Variants in SLC27A6 observed in about 807,000 individuals in gnomAD.
SLC27A6 encodes solute carrier family 27 member 6, also known as long-chain fatty acid transport protein 6.
A neutral mutation model predicts 63.9 loss-of-function variants in SLC27A6; 74 were observed. The observed-to-expected ratio is 1.16, with a 90% CI of 0.96 to 1.40. The LOEUF is 1.40. Among genes scored for constraint, SLC27A6 ranks in the 40% most tolerant of loss-of-function variants. The probability of loss-of-function intolerance (pLI) is 0.00; values close to 1 mark genes in which losing one functional copy is unlikely to be tolerated. For missense variants in SLC27A6, 794 were observed against 732.9 expected (o/e 1.08, Z -0.96); for synonymous variants, 287 against 260.8 (o/e 1.10, Z -0.97).
chr5:129,028,279 C>G, intron 7 of SLC27A6, 66 bp from the exon 8 acceptor site: 1 of 1,064,462 alleles, frequency 9.4e-7, no homozygotes, highest in East Asian at 2.4e-5. Context: ...GACATTAAAA[C>G]TAAAACTGGG....
chr5:128,965,922 C>A lies in SLC27A6; in HGVS notation c.-216C>A, dbSNP rs1749867287. The A allele has an allele frequency of 6.4e-6, 3 of 468,180 alleles. No homozygotes were observed. The highest frequency in any genetic ancestry group is 2.0e-5 in the African/African-American group (1 of 50,872). 29.0% of individuals were successfully genotyped at this position (468,180 alleles called of 1,614,324 possible). On this transcript the variant is annotated 5_prime_UTR_variant, in exon 1 of 10. Coordinates refer to ENST00000262462, the MANE Select transcript of SLC27A6 (RefSeq NM_001017372.3). ...AGCCGCCCAGTGACCCAAGCTTAAT[C>A]TTCAGCACCACTTGGGGCGACCTTT...
intron 4 of SLC27A6, among the ~76,000 whole-genome samples, chr5:129,010,408 A>T (rs1440478000): frequency 6.6e-6 from 1 of 152,194 alleles, no homozygotes; most frequent in Admixed American, 6.5e-5. Context: ...GATTTTGCAG[A>T]TGTGATTACA....
Position 128,985,342 on chromosome 5 carries a change from A to G in SLC27A6, c.685+6A>G. 3 of 1,611,652 alleles carry G rather than the reference A, an allele frequency of 1.9e-6. No homozygotes were observed. The highest frequency in any genetic ancestry group is 2.5e-6 in the Non-Finnish European group (3 of 1,178,012). On this transcript the variant is annotated splice_donor_region_variant and intron_variant, in intron 2 of 9. Transcript: ENST00000262462. ...TTTTACCTCTGGAACAACAGGTATGATCCAATTCTTTTGAAGGCTAAAATG... is the reference window on the plus strand; with the variant it reads ...TTTTACCTCTGGAACAACAGGTATGGTCCAATTCTTTTGAAGGCTAAAATG...
rs115171772 is a variant in SLC27A6, at chr5:129,023,879, C to G, written c.1255+169C>G. Among the ~76,000 whole-genome samples the G allele has an allele frequency of 9.2e-3, 1,403 of 152,164 alleles. 16 individuals are homozygous for G. Among genetic ancestry groups the G allele is most frequent in the African/African-American group, 0.031 (1,297 of 41,512 alleles). On this transcript the variant is annotated intron_variant, in intron 6 of 9. Transcript: ENST00000262462. Reference sequence around the variant, plus strand: ...ATACAGTATTTGCCTATGAGGTGTGCACATCCTCCTGTATACTTTAAACAG... The same window carrying G: ...ATACAGTATTTGCCTATGAGGTGTGGACATCCTCCTGTATACTTTAAACAG...
At position 128,972,594 on chromosome 5, in the gene SLC27A6, C is replaced by A. The variant is rs192247411; in HGVS notation, c.481+5976C>A. On this transcript the variant is annotated intron_variant, in intron 1 of 9. Transcript: ENST00000262462. The stretch of plus-strand genomic sequence containing the variant: ...GCTTATGCATGCATCATGCAGTTCT[C>A]GTGCCATGGTTTTCAGCTCCATCAT... Among the ~76,000 whole-genome samples the A allele has an allele frequency of 3.5e-4, 54 of 152,326 alleles. 1 individual carries two copies. Among genetic ancestry groups the A allele is most frequent in the African/African-American group, 1.3e-3 (52 of 41,584 alleles).
At chr5:128,995,398 C>T (rs1013330010) in intron 4 of SLC27A6, among the ~76,000 whole-genome samples, 5 of 152,298 alleles carry the variant, frequency 3.3e-5, no homozygotes, top group East Asian at 1.9e-4. Context: ...GACTGCTTCT[C>T]TCTTAGAATT....
intron 4 of SLC27A6, among the ~76,000 whole-genome samples, chr5:129,015,158 T>A (rs971872701): frequency 2.0e-5 from 3 of 152,198 alleles, no homozygotes; most frequent in African/African-American, 7.2e-5. Context: ...ACTGATAATA[T>A]ATTTTTACTC....
At chr5:129,032,615 C>T (rs970293274) in intron 9 of SLC27A6, among the ~76,000 whole-genome samples, 1 of 151,990 alleles carries the variant, frequency 6.6e-6, no homozygotes, top group Non-Finnish European at 1.5e-5. Context: ...TGAGGTACCT[C>T]AAGTTTTAGA....
intron 4 of SLC27A6, among the ~76,000 whole-genome samples, chr5:128,992,780 T>G (rs1253409695): frequency 6.6e-6 from 1 of 152,142 alleles, no homozygotes; most frequent in African/African-American, 2.4e-5. Flanking sequence ...TGCCCTCCAG[T>G]AAGATTAAGG....
chr5:129,023,791 G>T, intron 6 of SLC27A6, 81 bp downstream of exon 6: 5 of 1,031,842 alleles, frequency 4.8e-6, no homozygotes, highest in Non-Finnish European at 1.5e-6. Flanking sequence ...ATCCTTGGGG[G>T]ATTGGTTCCA....
At position 129,029,658 on chromosome 5, in the gene SLC27A6, T is replaced by G. The variant is rs1208390128; in HGVS notation, c.1634T>G (p.Val545Gly). 2.5e-6 allele frequency: 4 copies of G among 1,602,394 alleles called. No homozygotes were observed. Among genetic ancestry groups the G allele is most frequent in the Non-Finnish European group, 3.4e-6 (4 of 1,175,894 alleles). The stretch of plus-strand genomic sequence containing the variant: ...GATTTGGAAAAAGTTTATGAACAAG[T>G]TGTAACATTTCTACCAGCTTATGCT... ...SLDLEKVYEQ[V>G]VTFLPAYACP... Residue 545 changes from valine to glycine, a missense_variant, in exon 9 of 10, where the codon GTT (valine) becomes GGT (glycine). By Grantham distance (109) the Val-to-Gly change is moderately radical. Transcript: ENST00000262462.
chr5:128,983,670 T>C (rs1750691796), intron 1 of SLC27A6, among the ~76,000 whole-genome samples: 1 of 152,222 alleles, frequency 6.6e-6, no homozygotes, highest in South Asian at 2.1e-4. Context: ...GGTAATTTTA[T>C]AGTTTTAGAG....
At chr5:128,973,567 G>A (rs1750268081) in intron 1 of SLC27A6, among the ~76,000 whole-genome samples, 1 of 152,172 alleles carries the variant, frequency 6.6e-6, no homozygotes, top group African/African-American at 2.4e-5. Context: ...GTGGGTGTGG[G>A]ACCCACCAAG....
intron 5 of SLC27A6, 25 bp from the exon 6 acceptor site, chr5:129,023,595 A>G (rs777045136): frequency 2.0e-6 from 3 of 1,516,278 alleles, no homozygotes; most frequent in Admixed American, 1.9e-5. Flanking sequence ...GCTTGTTTCT[A>G]TTTGTTTGAT....
chr5:129,031,921 G>T (rs1197324409), intron 9 of SLC27A6, among the ~76,000 whole-genome samples: 1 of 151,836 alleles, frequency 6.6e-6, no homozygotes, highest in African/African-American at 2.4e-5. Flanking sequence ...GAGGAGGGAA[G>T]GGAGATCAGG....
At chr5:129,028,228 A>G (rs1752307057) in intron 7 of SLC27A6, 117 bp from the exon 8 acceptor site, 2 of 632,174 alleles carry the variant, frequency 3.2e-6, no homozygotes, top group Admixed American at 3.3e-5. Flanking sequence ...GAAAACTACA[A>G]TTATGTTGGT....
chr5:129,010,344 G>T (rs897975146), intron 4 of SLC27A6, among the ~76,000 whole-genome samples: 1 of 152,132 alleles, frequency 6.6e-6, no homozygotes, highest in African/African-American at 2.4e-5. Context: ...ATATGTCCAT[G>T]CCCTAATTCC....
chr5:129,011,036 A>G (rs1751709633), intron 4 of SLC27A6, among the ~76,000 whole-genome samples: 1 of 152,222 alleles, frequency 6.6e-6, no homozygotes, highest in African/African-American at 2.4e-5. Flanking sequence ...CACAACATTT[A>G]AAATATATCT....
chr5:128,983,289 GTT>G (rs1195794733), intron 1 of SLC27A6, among the ~76,000 whole-genome samples: 3 of 111,108 alleles, frequency 2.7e-5, no homozygotes, highest in Non-Finnish European at 3.5e-5. Flanking sequence ...TCTGATCCGG[GTT>G]TTTTTTTTTT....
Sources: allele counts gnomAD v4.1 joint callset (sites outside exome capture counted in the v4.1 genomes callset), GRCh38; gene constraint gnomAD v4.1.1; transcripts MANE v1.5; gene names NCBI Gene and HGNC (gene_info 2026-07-23, HGNC 2026-07-21).